Variants in STK38 observed in about 807,000 individuals in gnomAD.
STK38 encodes the protein serine/threonine-protein kinase 38.
STK38 carries 26 observed loss-of-function variants against 59.0 expected under a neutral mutation model. The ratio of observed to expected loss-of-function variants is 0.44; its 90% CI spans 0.32 to 0.61. The LOEUF (loss-of-function observed/expected upper bound fraction) is 0.61, where lower values mean the gene tolerates loss of function less well. STK38 is among the 20% of genes least tolerant of loss of function. STK38 has a pLI of 0.04. For synonymous variants in STK38, 175 were observed against 176.6 expected (o/e 0.99, Z 0.07); for missense variants, 433 against 566.0 (o/e 0.76, Z 2.38).
In STK38 at chr6:36,501,360, C is replaced by T. The variant is rs568801966; in HGVS notation, c.835-1370G>A. Among the ~76,000 whole-genome samples the T allele has an allele frequency of 6.4e-4, 98 of 152,206 alleles. 1 individual carries two copies. The highest frequency in any genetic ancestry group is 3.2e-3 in the Admixed American group (49 of 15,288). On this transcript the variant is annotated intron_variant, in intron 9 of 13. Coordinates refer to ENST00000229812, the MANE Select transcript of STK38 (RefSeq NM_007271.4). Reference sequence around the variant, plus strand: ...TCCTAATGTACTTAACATTTGAGGGCTTCCATGTGTAAGGCTCTGATCTAG... The same window carrying T: ...TCCTAATGTACTTAACATTTGAGGGTTTCCATGTGTAAGGCTCTGATCTAG...
chr6:36,527,207 A>AATATATATATATATAT lies in STK38; in HGVS notation c.132-1566_132-1565insATATATATATATATAT, dbSNP rs1554168829. On this transcript the variant is annotated intron_variant, in intron 2 of 13. Coordinates refer to ENST00000229812, the MANE Select transcript of STK38 (RefSeq NM_007271.4). ...ACTCCGTCTCAAAAAAAAAAAAAAA[A>AATATATATATATATAT]ATATATGTATATATATATATATTTA... Among the ~76,000 whole-genome samples, 75 of 119,330 alleles carry AATATATATATATATAT rather than the reference A, an allele frequency of 6.3e-4. 4 individuals are homozygous for AATATATATATATATAT. The highest frequency in any genetic ancestry group is 6.0e-3 in the Admixed American group (58 of 9,702). 78.3% of individuals were successfully genotyped at this position (119,330 alleles called of 152,430 possible).
chr6:36,519,136 A>T (rs1481032808), intron 5 of STK38, among the ~76,000 whole-genome samples: 1 of 152,184 alleles, frequency 6.6e-6, no homozygotes, highest in Non-Finnish European at 1.5e-5. Context: ...TATCTACTAA[A>T]ATCATTCTTT....
chr6:36,532,326 A>AG (rs1777685122), intron 2 of STK38, among the ~76,000 whole-genome samples: 1 of 151,946 alleles, frequency 6.6e-6, no homozygotes, highest in Non-Finnish European at 1.5e-5. Context: ...AAAAAAAAAA[A>AG]AAGGTTTTAA....
rs45524837 is a variant in STK38, at chr6:36,547,263, G to A, written c.-79C>T. On this transcript the variant is annotated 5_prime_UTR_variant, in exon 1 of 14. The change creates a premature stop within an existing upstream ORF in the 5' untranslated region. Transcript: ENST00000229812. ...CCCCTTCGGCCAGTAGTCTCGACTT[G>A]AAGGCTGGCGAAGCCCCGGCGGCGG... is the stretch of plus-strand genomic sequence containing the variant. 3 of 152,592 alleles carry A rather than the reference G, an allele frequency of 2.0e-5. No individual in the cohort carries two copies. Among genetic ancestry groups the A allele is most frequent in the African/African-American group, 7.2e-5 (3 of 41,460 alleles). 9.5% of individuals were successfully genotyped at this position (152,592 alleles called of 1,614,324 possible). A position where few individuals can be genotyped will look rare whatever the true frequency, so the allele number is the denominator to read the frequency against.
At chr6:36,531,270 T>C (rs1451670185) in intron 2 of STK38, among the ~76,000 whole-genome samples, 1 of 152,220 alleles carries the variant, frequency 6.6e-6, no homozygotes, top group Non-Finnish European at 1.5e-5. Context: ...GTAAAATGTA[T>C]GAAAGACTTT....
chr6:36,513,208 C>T (rs1561979388), intron 7 of STK38, among the ~76,000 whole-genome samples: 1 of 151,310 alleles, frequency 6.6e-6, no homozygotes, highest in Non-Finnish European at 1.5e-5. Flanking sequence ...TTAGTAGAGA[C>T]AAGGTTTTAT....
chr6:36,532,683 C>G (rs1386850317), intron 2 of STK38, among the ~76,000 whole-genome samples: 2 of 151,876 alleles, frequency 1.3e-5, no homozygotes, highest in African/African-American at 4.8e-5. Flanking sequence ...CAGATCACCT[C>G]AGGTCAGGAA....
intron 2 of STK38, among the ~76,000 whole-genome samples, chr6:36,527,943 C>CT (rs1777572044): frequency 7.8e-6 from 1 of 128,258 alleles, no homozygotes; most frequent in Non-Finnish European, 1.7e-5. Context: ...ACTAAAAATA[C>CT]AAAAAAAAAA....
chr6:36,525,550 C>T, intron 3 of STK38, 41 bp downstream of exon 3: 4 of 1,589,026 alleles, frequency 2.5e-6, no homozygotes, highest in African/African-American at 2.7e-5. Flanking sequence ...ATACAACCTG[C>T]CACGCTGGGT....
At chr6:36,527,208 A>AAAAAAATT (rs1777542674) in intron 2 of STK38, among the ~76,000 whole-genome samples, 1 of 84,732 alleles carries the variant, frequency 1.2e-5, no homozygotes. Context: ...AAAAAAAAAA[A>AAAAAAATT]TATATGTATA....
At chr6:36,500,566 C>T (rs1041970332) in intron 9 of STK38, among the ~76,000 whole-genome samples, 3 of 151,802 alleles carry the variant, frequency 2.0e-5, no homozygotes, top group Admixed American at 6.6e-5. Context: ...TGGAGACCAT[C>T]CTGGCCAACA....
intron 9 of STK38, among the ~76,000 whole-genome samples, chr6:36,502,139 ATC>A (rs1776855765): frequency 6.6e-6 from 1 of 151,754 alleles, no homozygotes; most frequent in South Asian, 2.1e-4. Context: ...ATGAAATGGG[ATC>A]TCTTTTTTTT....
At chr6:36,500,730 AGCC>A (rs1352179511) in intron 9 of STK38, among the ~76,000 whole-genome samples, 1 of 143,234 alleles carries the variant, frequency 7.0e-6, no homozygotes, top group Non-Finnish European at 1.5e-5. Context: ...ACTGCACTCC[AGCC>A]TGGCGACAGA....
At chr6:36,496,391 T>C (rs970678278) in intron 13 of STK38, among the ~76,000 whole-genome samples, 4 of 152,138 alleles carry the variant, frequency 2.6e-5, no homozygotes, top group Admixed American at 6.6e-5. Flanking sequence ...TTAAATCTCA[T>C]ATTTCTTCAC....
At chr6:36,498,135 T>C (rs1006184764) in intron 11 of STK38, among the ~76,000 whole-genome samples, 1 of 152,030 alleles carries the variant, frequency 6.6e-6, no homozygotes, top group African/African-American at 2.4e-5. Context: ...TTTTGCTGTG[T>C]TGTCCAGGCT....
At chr6:36,523,834 C>G (rs952373606) in intron 4 of STK38, among the ~76,000 whole-genome samples, 1 of 152,156 alleles carries the variant, frequency 6.6e-6, no homozygotes, top group African/African-American at 2.4e-5. Flanking sequence ...CTGTATCAAT[C>G]TGGTGGGGAG....
intron 2 of STK38, among the ~76,000 whole-genome samples, chr6:36,527,452 C>A (rs1401963323): frequency 1.3e-5 from 2 of 150,502 alleles, no homozygotes; most frequent in African/African-American, 4.9e-5. Context: ...TTGGGAGGGG[C>A]TGAGGCACAA....
chr6:36,504,861 T>C (rs1446734703), intron 9 of STK38, among the ~76,000 whole-genome samples: 1 of 129,176 alleles, frequency 7.7e-6, no homozygotes, highest in Non-Finnish European at 1.5e-5. Context: ...CCCAAAATAC[T>C]TGTCAGCACA....
At chr6:36,541,474 T>C (rs75021855) in intron 1 of STK38, among the ~76,000 whole-genome samples, 5,127 of 152,038 alleles carry the variant, frequency 0.034, 301 homozygotes, top group African/African-American at 0.12. Flanking sequence ...CAAAGACCCA[T>C]AAAAATTCAT....
Sources: gnomAD v4.1 joint callset for allele counts (sites outside exome capture counted in the v4.1 genomes callset) on GRCh38, gnomAD v4.1.1 for gene constraint, MANE v1.5 for transcripts, NCBI Gene and HGNC (gene_info 2026-07-23, HGNC 2026-07-21) for gene names.